Variants in CECR2 observed in about 807,000 individuals in gnomAD.
CECR2 encodes the protein chromatin remodeling regulator CECR2.
In CECR2, 30 loss-of-function variants were observed where a neutral mutation model predicts 154.5. The ratio of observed to expected loss-of-function variants is 0.19; its 90% confidence interval spans 0.15 to 0.26. The LOEUF (loss-of-function observed/expected upper bound fraction) is 0.26. Ranked by LOEUF, CECR2 falls within the 10% of genes least tolerant of loss-of-function variation. CECR2 has a pLI of 1.00. For missense variants in CECR2, 1,743 were observed against 1,829.3 expected (o/e 0.95, Z 0.86); for synonymous variants, 725 against 683.7 (o/e 1.06, Z -0.94).
In CECR2 at chr22:17,554,167, C is replaced by T. The variant is rs745702686; in HGVS notation, c.*1327C>T. On this transcript the variant is annotated 3_prime_UTR_variant, in exon 19 of 19. Coordinates refer to ENST00000262608, the MANE Select transcript of CECR2 (RefSeq NM_001290047.2). ...AGTTGAATTACACTGGATTCTCCCT[C>T]GTTAGCATTCTGTATTTGATTTTAG... 4 of 152,154 alleles carry T rather than the reference C, an allele frequency of 2.6e-5. No individual in the cohort carries two copies. Among genetic ancestry groups the T allele is most frequent in the Non-Finnish European group, 5.9e-5 (4 of 68,038 alleles). 9.4% of individuals were successfully genotyped at this position (152,154 alleles called of 1,614,324 possible).
chr22:17,544,181 G>A (rs549252670), intron 16 of CECR2, among the ~76,000 whole-genome samples: 1 of 152,218 alleles, frequency 6.6e-6, no homozygotes, highest in South Asian at 2.1e-4. Context: ...GCCTGGGCAA[G>A]AGAGTAAGAC....
At chr22:17,414,073 C>G (rs554744707) in intron 1 of CECR2, among the ~76,000 whole-genome samples, 1 of 151,904 alleles carries the variant, frequency 6.6e-6, no homozygotes, top group Admixed American at 6.6e-5. Context: ...CCCAGGTTCA[C>G]GCCATTCTCC....
intron 1 of CECR2, among the ~76,000 whole-genome samples, chr22:17,438,807 AT>A (rs753579286): frequency 5.5e-4 from 83 of 152,134 alleles, no homozygotes; most frequent in Non-Finnish European, 6.5e-4. Context: ...GTTATTTCTT[AT>A]TGATTTTTCA....
intron 9 of CECR2, among the ~76,000 whole-genome samples, chr22:17,530,778 T>A (rs759246504): frequency 6.6e-6 from 1 of 151,708 alleles, no homozygotes; most frequent in Non-Finnish European, 1.5e-5. Context: ...ACACTTAGAA[T>A]GGGGTGTTAT....
intron 8 of CECR2, among the ~76,000 whole-genome samples, chr22:17,517,493 G>C (rs555379630): frequency 1.7e-4 from 26 of 152,190 alleles, no homozygotes; most frequent in Non-Finnish European, 2.6e-4. Flanking sequence ...CCATCTTCGA[G>C]TAACACTTGA....
At chr22:17,486,965 G>A (rs2146831848) in intron 2 of CECR2, among the ~76,000 whole-genome samples, 1 of 152,302 alleles carries the variant, frequency 6.6e-6, no homozygotes, top group South Asian at 2.1e-4. Flanking sequence ...GTTCTGGGTG[G>A]TGCTGATGCT....
intron 9 of CECR2, among the ~76,000 whole-genome samples, chr22:17,526,838 A>G (rs2056274161): frequency 6.7e-6 from 1 of 149,990 alleles, no homozygotes; most frequent in African/African-American, 2.4e-5. Context: ...AAAGAATTAT[A>G]TCTAAGACCT....
upstream of CECR2, among the ~76,000 whole-genome samples, chr22:17,367,766 G>C (rs73391751): frequency 0.098 from 14,988 of 152,210 alleles, 852 homozygotes; most frequent in African/African-American, 0.15. Flanking sequence ...AAAGCACCTC[G>C]TTCAGGTTAC....
At chr22:17,392,547 T>C (rs535199222) in intron 1 of CECR2, among the ~76,000 whole-genome samples, 1 of 152,172 alleles carries the variant, frequency 6.6e-6, no homozygotes, top group South Asian at 2.1e-4. Flanking sequence ...TAGTCTCAGC[T>C]ACTTGGGAAG....
chr22:17,404,160 G>A (rs1363683997), intron 1 of CECR2, among the ~76,000 whole-genome samples: 2 of 150,564 alleles, frequency 1.3e-5, no homozygotes, highest in Admixed American at 6.7e-5. Context: ...TTGGGAGGCC[G>A]AGGCAGAAGA....
At chr22:17,459,890 G>A (rs2054910999) in intron 1 of CECR2, among the ~76,000 whole-genome samples, 1 of 152,176 alleles carries the variant, frequency 6.6e-6, no homozygotes. Flanking sequence ...CTTAAGCTGA[G>A]CATGTAACTT....
chr22:17,497,370 T>G (rs1488127486), intron 2 of CECR2, 33 bp from the exon 3 acceptor site: 1 of 1,569,220 alleles, frequency 6.4e-7, no homozygotes, highest in South Asian at 1.2e-5. Flanking sequence ...TATTTTATAT[T>G]AATGTATTTT....
chr22:17,480,951 A>G (rs1008693876), intron 2 of CECR2, among the ~76,000 whole-genome samples: 1 of 150,510 alleles, frequency 6.6e-6, no homozygotes, highest in Non-Finnish European at 1.5e-5. Context: ...GAGATGGGAG[A>G]ATTGCTTCAA....
intron 18 of CECR2, among the ~76,000 whole-genome samples, chr22:17,552,515 T>G (rs1453271982): frequency 6.6e-6 from 1 of 152,128 alleles, no homozygotes; most frequent in Non-Finnish European, 1.5e-5. Context: ...TGAGTGCTGC[T>G]TCTCTCCCAT....
At chr22:17,451,205 G>A (rs1179473834) in intron 1 of CECR2, among the ~76,000 whole-genome samples, 2 of 152,234 alleles carry the variant, frequency 1.3e-5, no homozygotes, top group Non-Finnish European at 2.9e-5. Context: ...TAGGGGCATA[G>A]ACTCAAGTTG....
At chr22:17,422,503 T>C (rs2054271417) in intron 1 of CECR2, among the ~76,000 whole-genome samples, 1 of 152,224 alleles carries the variant, frequency 6.6e-6, no homozygotes, top group Non-Finnish European at 1.5e-5. Flanking sequence ...AGTAGTTTTT[T>C]GAGCATTTAT....
chr22:17,384,126 T>C (rs960899753), intron 1 of CECR2, among the ~76,000 whole-genome samples: 15 of 152,238 alleles, frequency 9.9e-5, no homozygotes, highest in African/African-American at 3.6e-4. Context: ...CCTCCTCCCA[T>C]GAATTATGAA....
chr22:17,510,051 C>G (rs1047881394), intron 7 of CECR2, among the ~76,000 whole-genome samples: 3 of 152,118 alleles, frequency 2.0e-5, no homozygotes, highest in African/African-American at 7.2e-5. Flanking sequence ...ACAGAATATA[C>G]AGCTTTATAA....
At position 17,542,460 on chromosome 22, in the gene CECR2, G is replaced by T; in HGVS notation, c.2317G>T (p.Val773Phe). The T allele has an allele frequency of 6.2e-7, 1 of 1,613,926 alleles. No homozygotes were observed. ...YKYLNRVHSA[V>F]WNGNHGATNQ... is the part of the protein sequence containing the mutation. ...GTACCTGAATCGAGTACACTCTGCC[G>T]TCTGGAATGGGAACCATGGTGCTAC... is the stretch of plus-strand genomic sequence containing the variant. Residue 773 changes from valine (V) to phenylalanine (F), a missense_variant, in exon 16 of 19, where the codon GTC (valine) becomes TTC (phenylalanine). Transcript: ENST00000262608.
Sources: gnomAD v4.1 joint callset for allele counts (sites outside exome capture counted in the v4.1 genomes callset) on GRCh38, gnomAD v4.1.1 for gene constraint, MANE v1.5 for transcripts, NCBI Gene and HGNC (gene_info 2026-07-23, HGNC 2026-07-21) for gene names.